Variants in NXPE2 observed in about 807,000 individuals in gnomAD.
NXPE2 encodes NXPE family member 2.
NXPE2 carries 34 observed loss-of-function variants against 34.4 expected under a neutral mutation model. That is an observed-to-expected ratio of 0.99 (90% CI 0.75 to 1.31). The LOEUF (loss-of-function observed/expected upper bound fraction) is 1.31. Ranked by LOEUF, NXPE2 falls within the 40% of genes most tolerant of loss-of-function variation. NXPE2 has a pLI of 0.00. For synonymous variants in NXPE2, 235 were observed against 231.3 expected, an observed-to-expected ratio of 1.02 and a Z score of -0.15; for missense variants, 649 against 672.5, an observed-to-expected ratio of 0.97 and a Z score of 0.39.
At chr11:114,713,785 T>C in the NXPE2 span, among the ~76,000 whole-genome samples, 1 of 152,206 alleles carries the variant, frequency 6.6e-6, no homozygotes, top group African/African-American at 2.4e-5. Flanking sequence ...GGCATTCAAG[T>C]ACAAGTCTTG....
chr11:114,633,362 C>G, the NXPE2 span, among the ~76,000 whole-genome samples: 1 of 138,342 alleles, frequency 7.2e-6, no homozygotes, highest in Non-Finnish European at 1.5e-5. Context: ...ATTATATATA[C>G]TATATAATAT....
At chr11:114,615,731 G>A in the NXPE2 span, among the ~76,000 whole-genome samples, 2 of 151,144 alleles carry the variant, frequency 1.3e-5, no homozygotes, top group Non-Finnish European at 2.9e-5. Flanking sequence ...ATTGCCTCAC[G>A]GGTAACCGCT....
At chr11:114,762,138 A>T in the NXPE2 span, among the ~76,000 whole-genome samples, 1 of 152,294 alleles carries the variant, frequency 6.6e-6, no homozygotes, top group East Asian at 1.9e-4. Flanking sequence ...GAAAGGGCTT[A>T]TAGAAGAGGT....
At chr11:114,630,628 C>G in the NXPE2 span, among the ~76,000 whole-genome samples, 191 of 151,320 alleles carry the variant, frequency 1.3e-3, 3 homozygotes, top group African/African-American at 4.4e-3. Context: ...GACTTCATGT[C>G]TAAAACACCA....
At chr11:114,748,374 T>C in the NXPE2 span, among the ~76,000 whole-genome samples, 1 of 152,188 alleles carries the variant, frequency 6.6e-6, no homozygotes, top group South Asian at 2.1e-4. Context: ...GATGCATCAC[T>C]ATCATTTAAT....
chr11:114,516,973 A>G, the NXPE2 span, among the ~76,000 whole-genome samples: 2 of 152,120 alleles, frequency 1.3e-5, no homozygotes, highest in African/African-American at 4.8e-5. Flanking sequence ...CAATAGCCTG[A>G]TACTTACTGG....
the NXPE2 span, among the ~76,000 whole-genome samples, chr11:114,484,901 T>TC: frequency 1.8e-4 from 28 of 152,256 alleles, no homozygotes; most frequent in Non-Finnish European, 3.2e-4. Context: ...TAATAGTATT[T>TC]CCTAGCTGGG....
At chr11:114,585,402 G>A in the NXPE2 span, among the ~76,000 whole-genome samples, 1 of 151,990 alleles carries the variant, frequency 6.6e-6, no homozygotes, top group Non-Finnish European at 1.5e-5. Context: ...CAGCTTTAAG[G>A]ACACACATAG....
the NXPE2 span, among the ~76,000 whole-genome samples, chr11:114,607,156 C>G: frequency 6.6e-6 from 1 of 151,702 alleles, no homozygotes; most frequent in South Asian, 2.1e-4. Context: ...ACCAGTATTA[C>G]CCACTGGATA....
chr11:114,465,797 C>G, the NXPE2 span, among the ~76,000 whole-genome samples: 1 of 152,040 alleles, frequency 6.6e-6, no homozygotes, highest in Non-Finnish European at 1.5e-5. Flanking sequence ...GACCCTGTCT[C>G]TAAAAAATAA....
the NXPE2 span, among the ~76,000 whole-genome samples, chr11:114,795,783 A>G: frequency 2.6e-5 from 4 of 152,238 alleles, no homozygotes; most frequent in Non-Finnish European, 5.9e-5. Context: ...AAAGACTGCA[A>G]TGATAGCACC....
chr11:114,582,636 C>A, the NXPE2 span: 1 of 1,614,108 alleles, frequency 6.2e-7, no homozygotes, highest in Non-Finnish European at 8.5e-7. Flanking sequence ...CAGGTAGGTG[C>A]CGTTGTTGAA....
the NXPE2 span, among the ~76,000 whole-genome samples, chr11:114,631,236 C>A: frequency 6.6e-6 from 1 of 151,410 alleles, no homozygotes; most frequent in Non-Finnish European, 1.5e-5. Flanking sequence ...ATGTTTATTG[C>A]GGCATTATTC....
the NXPE2 span, among the ~76,000 whole-genome samples, chr11:114,595,984 T>C: frequency 6.6e-6 from 1 of 152,280 alleles, no homozygotes; most frequent in South Asian, 2.1e-4. Flanking sequence ...ATAATTGTAT[T>C]TAGTTAATAC....
the NXPE2 span, among the ~76,000 whole-genome samples, chr11:114,636,431 T>C: frequency 6.6e-6 from 1 of 152,098 alleles, no homozygotes; most frequent in African/African-American, 2.4e-5. Flanking sequence ...ATTCGTTAAT[T>C]GTTTGAAGGG....
At chr11:114,775,822 A>ACTTG in the NXPE2 span, among the ~76,000 whole-genome samples, 1 of 151,896 alleles carries the variant, frequency 6.6e-6, no homozygotes, top group Non-Finnish European at 1.5e-5. Context: ...GGTGGTAGAT[A>ACTTG]CTTGCTAAGA....
At chr11:114,614,401 G>T in the NXPE2 span, among the ~76,000 whole-genome samples, 33 of 150,514 alleles carry the variant, frequency 2.2e-4, no homozygotes, top group African/African-American at 7.3e-4. Context: ...AGCCTCTAGG[G>T]TAACCACTGT....
chr11:114,522,630 A>G, the NXPE2 span: 1 of 802,934 alleles, frequency 1.2e-6, no homozygotes. Context: ...TCTACTCTCT[A>G]GGGTACAGTA....
At chr11:114,684,385 C>A (rs918694564) in intron 2 of NXPE2, among the ~76,000 whole-genome samples, 2 of 151,928 alleles carry the variant, frequency 1.3e-5, no homozygotes, top group South Asian at 4.2e-4. Flanking sequence ...CGAGATCACA[C>A]CACTGCACTC....
Sources: allele counts gnomAD v4.1 joint callset (sites outside exome capture counted in the v4.1 genomes callset), GRCh38; gene constraint gnomAD v4.1.1; transcripts MANE v1.5; gene names NCBI Gene and HGNC (gene_info 2026-07-23, HGNC 2026-07-21).